The following MLLT3 variants were observed in gnomAD, a reference collection of about 807,000 sequenced individuals.
MLLT3 encodes the protein protein AF-9.
MLLT3 carries 4 observed loss-of-function variants against 53.2 expected under a neutral mutation model. That is an observed-to-expected ratio of 0.08 (90% CI 0.04 to 0.17). The LOEUF is 0.17. MLLT3 is among the 10% of genes least tolerant of loss of function. The pLI, the probability that MLLT3 is intolerant of heterozygous loss-of-function variation, is 1.00. For missense variants in MLLT3, 569 were observed against 684.0 expected, an observed-to-expected ratio of 0.83 and a Z score of 1.87; for synonymous variants, 283 against 230.6, an observed-to-expected ratio of 1.23 and a Z score of -2.06.
chr9:20,621,770 C>G lies in MLLT3; in HGVS notation c.12+475G>C. 6.7e-7 allele frequency: 1 copy of G among 1,486,666 alleles called. No individual in the cohort carries two copies. The allele number at this position is 1,486,666 out of a possible 1,614,324, so 92.1% of individuals were successfully genotyped here. On this transcript the variant is annotated intron_variant, in intron 1 of 10. Transcript: ENST00000380338. This position sits in a 1 kb window ranked among gnomAD's most constrained non-coding sequence, Gnocchi z 7.0. Reference sequence around the variant, plus strand: ...TCACACACGCGCGCCGCGGAGAACGCACCATCGTAGCGGCCGCGGCGCTTT... The same window carrying G: ...TCACACACGCGCGCCGCGGAGAACGGACCATCGTAGCGGCCGCGGCGCTTT...
chr9:20,561,451 C>A (rs578015996), intron 2 of MLLT3, among the ~76,000 whole-genome samples: 1 of 152,286 alleles, frequency 6.6e-6, no homozygotes, highest in East Asian at 1.9e-4. Flanking sequence ...ACCACCTGGG[C>A]AGCCTCAGAA....
intron 5 of MLLT3, among the ~76,000 whole-genome samples, chr9:20,368,827 G>C (rs574284435): frequency 6.6e-6 from 1 of 152,292 alleles, no homozygotes; most frequent in South Asian, 2.1e-4. Context: ...CATTAAAGTA[G>C]AAAGTTTAAA....
chr9:20,616,482 T>C (rs1227057710), intron 2 of MLLT3, among the ~76,000 whole-genome samples: 1 of 152,072 alleles, frequency 6.6e-6, no homozygotes, highest in East Asian at 1.9e-4. Context: ...TATACGGAGT[T>C]AACTTTAAAA....
At position 20,414,140 on chromosome 9, in the gene MLLT3, G is replaced by A. The variant is rs1822802657; in HGVS notation, c.706C>T (p.Pro236Ser). 1 of 1,613,900 alleles carries A rather than the reference G, an allele frequency of 6.2e-7. No individual in the cohort carries two copies. Among genetic ancestry groups the A allele is most frequent in the Non-Finnish European group, 8.5e-7 (1 of 1,179,982 alleles). ...NKSSKESSKK[P>S]KENKPLKEEK... Reference sequence around the variant, plus strand: ...TCTTTCAGTGGTTTATTTTCTTTGGGTTTCTTAGAGGATTCTTTGGAAGAT... The same window carrying A: ...TCTTTCAGTGGTTTATTTTCTTTGGATTTCTTAGAGGATTCTTTGGAAGAT... The change falls in exon 5 of 11, where the codon CCC (proline) becomes TCC (serine). Residue 236 changes from proline to serine, a missense_variant. Physicochemically the swap from Pro to Ser is moderately conservative, Grantham distance 74 (BLOSUM62 -1). Coordinates refer to ENST00000380338, the MANE Select transcript of MLLT3 (RefSeq NM_004529.4).
chr9:20,514,508 A>ATT (rs1045327260), intron 2 of MLLT3, among the ~76,000 whole-genome samples: 1 of 151,234 alleles, frequency 6.6e-6, no homozygotes, highest in Admixed American at 6.6e-5. Context: ...GGTTTTTATT[A>ATT]TTTTTTTATT....
chr9:20,546,302 A>C (rs956909244), intron 2 of MLLT3, among the ~76,000 whole-genome samples: 1 of 152,196 alleles, frequency 6.6e-6, no homozygotes, highest in Non-Finnish European at 1.5e-5. Flanking sequence ...AAATAAATAA[A>C]TAAAGGCAGG....
chr9:20,530,123 A>C (rs1461378366), intron 2 of MLLT3, among the ~76,000 whole-genome samples: 2 of 152,174 alleles, frequency 1.3e-5, no homozygotes, highest in East Asian at 3.9e-4. Flanking sequence ...AATGCTTGTT[A>C]ATTTTGCTTA....
At chr9:20,556,353 G>C (rs554485668) in intron 2 of MLLT3, among the ~76,000 whole-genome samples, 2 of 152,062 alleles carry the variant, frequency 1.3e-5, no homozygotes, top group Middle Eastern at 6.8e-3. Context: ...ATCCATAAAA[G>C]ACTCTAAAAC....
chr9:20,620,487 G>T lies in MLLT3; in HGVS notation c.193+167C>A, dbSNP rs1820969354. On this transcript the variant is annotated intron_variant, in intron 2 of 10. Transcript: ENST00000380338. This position sits in a 1 kb window ranked among gnomAD's most constrained non-coding sequence, Gnocchi z 6.1. The stretch of plus-strand genomic sequence containing the variant: ...CCAAGCCGAAGTGGCGCGCGCGCGG[G>T]CAGGCGGGAGCCGGGACCTGGCCCG... 6.6e-6 allele frequency among the ~76,000 whole-genome samples: 1 copy of T among 150,882 alleles called. No homozygotes were observed. The highest frequency in any genetic ancestry group is 2.1e-4 in the South Asian group (1 of 4,820).
intron 2 of MLLT3, among the ~76,000 whole-genome samples, chr9:20,519,621 G>T (rs2118976840): frequency 6.6e-6 from 1 of 152,224 alleles, no homozygotes; most frequent in East Asian, 1.9e-4. Context: ...GATCATTAGA[G>T]AAATACTAAT....
At chr9:20,593,005 A>G (rs1050425462) in intron 2 of MLLT3, among the ~76,000 whole-genome samples, 3 of 152,232 alleles carry the variant, frequency 2.0e-5, no homozygotes, top group African/African-American at 7.2e-5. Context: ...ACTTGCTACC[A>G]AAGCTGTTAA....
chr9:20,565,327 G>T (rs1327669862), intron 2 of MLLT3, among the ~76,000 whole-genome samples: 2 of 152,042 alleles, frequency 1.3e-5, no homozygotes, highest in East Asian at 3.9e-4. Flanking sequence ...GGAGTTGGGA[G>T]GGATGAGGAA....
At chr9:20,475,054 G>A (rs964470575) in intron 2 of MLLT3, among the ~76,000 whole-genome samples, 1 of 152,188 alleles carries the variant, frequency 6.6e-6, no homozygotes, top group Admixed American at 6.6e-5. Flanking sequence ...AATGGCATGA[G>A]AAATGGCCGG....
At chr9:20,364,131 A>AC in intron 6 of MLLT3, among the ~76,000 whole-genome samples, 1 of 152,284 alleles carries the variant, frequency 6.6e-6, no homozygotes, top group South Asian at 2.1e-4. Context: ...GTAATATCCT[A>AC]CCTCTGATCT....
At chr9:20,537,533 T>C (rs978816094) in intron 2 of MLLT3, among the ~76,000 whole-genome samples, 5 of 152,180 alleles carry the variant, frequency 3.3e-5, no homozygotes, top group Admixed American at 6.5e-5. Flanking sequence ...TTTTCACCCA[T>C]TTACACTTTA....
chr9:20,547,446 C>G (rs1587055180), intron 2 of MLLT3, among the ~76,000 whole-genome samples: 1 of 151,748 alleles, frequency 6.6e-6, no homozygotes, highest in Non-Finnish European at 1.5e-5. Context: ...GAGTTTACAA[C>G]CAGCCCGGCC....
At chr9:20,471,372 T>C (rs989858900) in intron 2 of MLLT3, among the ~76,000 whole-genome samples, 2 of 152,010 alleles carry the variant, frequency 1.3e-5, no homozygotes, top group African/African-American at 2.4e-5. Flanking sequence ...ATTTGAAATA[T>C]TCAGAAAGTC....
chr9:20,596,678 A>T (rs192878762), intron 2 of MLLT3, among the ~76,000 whole-genome samples: 3 of 152,322 alleles, frequency 2.0e-5, no homozygotes, highest in Non-Finnish European at 4.4e-5. Context: ...CTGGGCCACA[A>T]AGCAAGACTC....
chr9:20,506,418 G>A (rs1480470907), intron 2 of MLLT3, among the ~76,000 whole-genome samples: 1 of 151,972 alleles, frequency 6.6e-6, no homozygotes, highest in African/African-American at 2.4e-5. Context: ...TTCCTCTGCA[G>A]CCTCTCCATC....
Sources: allele counts gnomAD v4.1 joint callset (sites outside exome capture counted in the v4.1 genomes callset), GRCh38; gene constraint gnomAD v4.1.1; non-coding constraint Gnocchi (gnomAD v3.1); transcripts MANE v1.5; gene names NCBI Gene and HGNC (gene_info 2026-07-23, HGNC 2026-07-21).